The following STK38L variants were observed in gnomAD, a reference collection of about 807,000 sequenced individuals.
The protein encoded by STK38L is serine/threonine kinase 38 like, also known as serine/threonine-protein kinase 38-like.
A neutral mutation model predicts 59.7 loss-of-function variants in STK38L; 28 were observed. The ratio of observed to expected loss-of-function variants is 0.47; its 90% CI spans 0.35 to 0.64. The LOEUF is 0.64. STK38L is among the 30% of genes least tolerant of loss of function. The probability of loss-of-function intolerance (pLI) is 0.01; values close to 1 mark genes in which losing one functional copy is unlikely to be tolerated. For missense variants in STK38L, 314 were observed against 555.8 expected, an observed-to-expected ratio of 0.56 and a Z score of 4.37; for synonymous variants, 162 against 176.8, an observed-to-expected ratio of 0.92 and a Z score of 0.66.
At chr12:27,254,227 T>C (rs952695712) in intron 1 of STK38L, among the ~76,000 whole-genome samples, 3 of 152,224 alleles carry the variant, frequency 2.0e-5, no homozygotes, top group Non-Finnish European at 4.4e-5. Flanking sequence ...TAGGGTTTTA[T>C]GGAACTCTTA....
At chr12:27,316,507 T>C (rs191130789) in intron 9 of STK38L, among the ~76,000 whole-genome samples, 20 of 152,294 alleles carry the variant, frequency 1.3e-4, no homozygotes, top group African/African-American at 4.6e-4. Flanking sequence ...AAGGGAGAAG[T>C]AGAGAGGACT....
chr12:27,321,257 CAG>C (rs1384386988), intron 12 of STK38L, among the ~76,000 whole-genome samples: 2 of 152,218 alleles, frequency 1.3e-5, no homozygotes, highest in Non-Finnish European at 2.9e-5. Flanking sequence ...GTTGAAAAAA[CAG>C]AAGCAATAAA....
rs570281189 is a variant in STK38L at position 27,279,709 on chromosome 12, A to G, written c.-11-18001A>G. On this transcript the variant is annotated intron_variant, in intron 1 of 13. Coordinates refer to ENST00000389032, the MANE Select transcript of STK38L (RefSeq NM_015000.4). Reference sequence around the variant, plus strand: ...AAAAATTTTTTTTTTTTTTTTTGCTACATTCTTAAGTGTGACTCTCTTTAG... The same window carrying G: ...AAAAATTTTTTTTTTTTTTTTTGCTGCATTCTTAAGTGTGACTCTCTTTAG... Among the ~76,000 whole-genome samples, 35 of 133,666 alleles carry G rather than the reference A, an allele frequency of 2.6e-4. 1 individual carries two copies. In the East Asian group the frequency reaches 7.7e-3, roughly 29 times the overall value. 87.7% of individuals were successfully genotyped at this position (133,666 alleles called of 152,430 possible). A position where few individuals can be genotyped will look rare whatever the true frequency, so the allele number is the denominator to read the frequency against.
intron 1 of STK38L, among the ~76,000 whole-genome samples, chr12:27,271,162 A>G (rs867626651): frequency 6.6e-6 from 1 of 152,270 alleles, no homozygotes; most frequent in Non-Finnish European, 1.5e-5. Context: ...GTCTAAGATC[A>G]CACAGCCAGC....
In STK38L at chr12:27,315,004, T is replaced by C; in HGVS notation, c.673-11T>C. On this transcript the variant is annotated splice_polypyrimidine_tract_variant and intron_variant, in intron 7 of 13. Coordinates refer to ENST00000389032, the MANE Select transcript of STK38L (RefSeq NM_015000.4). ...GTTAATATGATCTAATTTTACTGGATTTTTTTTTAGGGTCATGTAAAATTA... is the reference window on the plus strand; with the variant it reads ...GTTAATATGATCTAATTTTACTGGACTTTTTTTTAGGGTCATGTAAAATTA... 1 of 1,455,594 alleles carries C rather than the reference T, an allele frequency of 6.9e-7. No individual in the cohort carries two copies. Among genetic ancestry groups the C allele is most frequent in the Non-Finnish European group, 9.4e-7 (1 of 1,066,414 alleles). The allele number at this position is 1,455,594 out of a possible 1,614,324, so 90.2% of individuals were successfully genotyped here. A position where few individuals can be genotyped will look rare whatever the true frequency, so the allele number is the denominator to read the frequency against.
chr12:27,301,701 A>G (rs949038632), intron 2 of STK38L, among the ~76,000 whole-genome samples: 1 of 152,252 alleles, frequency 6.6e-6, no homozygotes, highest in Non-Finnish European at 1.5e-5. Flanking sequence ...TGAGGGACTT[A>G]GCCAAGCTCA....
At chr12:27,244,530 C>T (rs766453083) in intron 1 of STK38L, among the ~76,000 whole-genome samples, 198 bp downstream of exon 1, 5 of 152,200 alleles carry the variant, frequency 3.3e-5, no homozygotes, top group Non-Finnish European at 5.9e-5. Flanking sequence ...GATACTGGCC[C>T]CATGTGTCCA....
chr12:27,316,930 T>TG (rs1243484546), intron 9 of STK38L, among the ~76,000 whole-genome samples: 1 of 152,122 alleles, frequency 6.6e-6, no homozygotes, highest in Non-Finnish European at 1.5e-5. Flanking sequence ...TAGTAGTGAG[T>TG]GGGGAAGCCA....
chr12:27,288,578 C>T (rs7959382), intron 1 of STK38L, among the ~76,000 whole-genome samples: 6,941 of 152,132 alleles, frequency 0.046, 517 homozygotes, highest in African/African-American at 0.16. Context: ...ACTGTAATAT[C>T]TGTCTTTCCC....
chr12:27,313,597 G>C (rs972624519), intron 6 of STK38L, among the ~76,000 whole-genome samples: 2 of 151,864 alleles, frequency 1.3e-5, no homozygotes, highest in Non-Finnish European at 2.9e-5. Context: ...TGGTCAGGCT[G>C]GTCTCAAACT....
chr12:27,264,568 T>C (rs1194050124), intron 1 of STK38L, among the ~76,000 whole-genome samples: 1 of 152,134 alleles, frequency 6.6e-6, no homozygotes, highest in Non-Finnish European at 1.5e-5. Context: ...TTCAAACAAC[T>C]GTGGAACAAA....
intron 5 of STK38L, among the ~76,000 whole-genome samples, chr12:27,309,827 CCT>C (rs1346554419): frequency 3.9e-5 from 6 of 152,228 alleles, no homozygotes; most frequent in African/African-American, 1.4e-4. Context: ...TCCCAGAATC[CCT>C]GTCACATATC....
intron 5 of STK38L, among the ~76,000 whole-genome samples, chr12:27,309,742 G>T (rs10842899): frequency 0.4 from 60,108 of 152,066 alleles, 12,142 homozygotes; most frequent in Admixed American, 0.48. Flanking sequence ...TTTTGTAGAT[G>T]CATGAACATT....
In STK38L at chr12:27,244,512, C is replaced by T. The variant is rs543104541; in HGVS notation, c.-12+180C>T. Among the ~76,000 whole-genome samples, 10 of 152,310 alleles carry T rather than the reference C, an allele frequency of 6.6e-5. No individual in the cohort carries two copies. The East Asian group carries it at 1.5e-3, about 24-fold the overall frequency. On this transcript the variant is annotated intron_variant, in intron 1 of 13. Coordinates refer to ENST00000389032, the MANE Select transcript of STK38L (RefSeq NM_015000.4). ...GGCGACGGCCTTGGCCCTCTTATTC[C>T]CCGGGGTGATACTGGCCCCATGTGT...
At position 27,312,569 on chromosome 12, in the gene STK38L, A is replaced by G. The variant is rs1273874559; in HGVS notation, c.414A>G (p.Glu138=). ...TCTAGGTGGCCCATATCCGAGCAGA[A>G]AGAGATATTTTGGTAGAAGCAGATG... is the stretch of plus-strand genomic sequence containing the variant. The part of the protein sequence containing the change: ...EKEQVAHIRA[E]RDILVEADGA... The change falls in exon 6 of 14, where the codon GAA becomes GAG. Residue 138 remains glutamate (E), a synonymous_variant. Coordinates refer to ENST00000389032, the MANE Select transcript of STK38L (RefSeq NM_015000.4). The G allele has an allele frequency of 6.2e-7, 1 of 1,614,078 alleles. No homozygotes were observed. The highest frequency in any genetic ancestry group is 8.5e-7 in the Non-Finnish European group (1 of 1,180,014).
rs191433946 is a variant in STK38L at position 27,306,973 on chromosome 12, T to C, written c.187-1366T>C. On this transcript the variant is annotated intron_variant, in intron 3 of 13. Coordinates refer to ENST00000389032, the MANE Select transcript of STK38L (RefSeq NM_015000.4). ...CTCGATCTCCTGACTTCATGATCCA[T>C]CCACCTCGGCCTCCCAAAGTGCTGG... Among the ~76,000 whole-genome samples the C allele has an allele frequency of 1.3e-4, 20 of 152,028 alleles. No individual in the cohort carries two copies. In the East Asian group the frequency reaches 3.9e-3, roughly 29 times the overall value.
chr12:27,320,344 G>A (rs1479905583), intron 12 of STK38L, among the ~76,000 whole-genome samples: 2 of 151,750 alleles, frequency 1.3e-5, no homozygotes, highest in African/African-American at 2.4e-5. Flanking sequence ...ATGGCTCACC[G>A]CAGCCTCGAC....
chr12:27,306,119 A>T (rs1944305405), intron 3 of STK38L, among the ~76,000 whole-genome samples: 2 of 152,196 alleles, frequency 1.3e-5, no homozygotes, highest in African/African-American at 4.8e-5. Context: ...TATGTGTTCC[A>T]TACACTTGTG....
chr12:27,259,439 G>A (rs888005079), intron 1 of STK38L, among the ~76,000 whole-genome samples: 18 of 152,064 alleles, frequency 1.2e-4, no homozygotes, highest in Non-Finnish European at 2.1e-4. Flanking sequence ...ATCCTAACGC[G>A]CCACTTTTTG....
Sources: allele counts gnomAD v4.1 joint callset (sites outside exome capture counted in the v4.1 genomes callset), GRCh38; gene constraint gnomAD v4.1.1; transcripts MANE v1.5; gene names NCBI Gene and HGNC (gene_info 2026-07-23, HGNC 2026-07-21).